ZNF648: variants seen among roughly 807,000 people sequenced by gnomAD.
The protein encoded by ZNF648 is zinc finger protein 648.
A neutral mutation model predicts 0.3 loss-of-function variants in ZNF648; 1 was observed. The ratio of observed to expected loss-of-function variants is 3.90; its 90% CI spans 1.39 to 18.51. ZNF648 has a LOEUF of 18.51. Ranked by LOEUF, ZNF648 falls within the 30% of genes most tolerant of loss-of-function variation. The pLI, the probability that ZNF648 is intolerant of heterozygous loss-of-function variation, is 0.11. For missense variants in ZNF648, 874 were observed against 769.7 expected (o/e 1.14, Z -1.60); for synonymous variants, 376 against 326.8 (o/e 1.15, Z -1.62).
chr1:182,059,556 A>G (rs947745040), intron 1 of ZNF648, among the ~76,000 whole-genome samples: 5 of 152,178 alleles, frequency 3.3e-5, no homozygotes, highest in African/African-American at 1.2e-4. Flanking sequence ...TGAGCCAGCC[A>G]CTATGCTGAG....
In ZNF648 at chr1:182,057,318, C is replaced by T. The variant is rs781292493; in HGVS notation, c.693G>A (p.Arg231=). Reference sequence around the variant, plus strand: ...GCCGGCCCGCCTGGTTCTGTACTTTCCTGCTGTTCCGCGCTTTTGCCAGGA... The same window carrying T: ...GCCGGCCCGCCTGGTTCTGTACTTTTCTGCTGTTCCGCGCTTTTGCCAGGA... ...AAVLAKARNS[R]KVQNQAGRRE... is the part of the protein sequence containing the mutation. Residue 231 remains arginine, a synonymous_variant, in exon 2 of 2, where the codon AGG becomes AGA. Coordinates refer to ENST00000339948, the MANE Select transcript of ZNF648 (RefSeq NM_001009992.1). The T allele has an allele frequency of 7.5e-6, 12 of 1,606,580 alleles. No individual in the cohort carries two copies. Among genetic ancestry groups the T allele is most frequent in the Admixed American group, 6.7e-5 (4 of 59,704 alleles).
At position 182,055,321 on chromosome 1, in the gene ZNF648, G is replaced by A. The variant is rs1358571987; in HGVS notation, c.*983C>T. The stretch of plus-strand genomic sequence containing the variant: ...ACAAGCCAATGGCACTTGGGCAAAG[G>A]GTGTTTTGTTCACTTCAAGTCAAGA... On this transcript the variant is annotated 3_prime_UTR_variant, in exon 2 of 2. Coordinates refer to ENST00000339948, the MANE Select transcript of ZNF648 (RefSeq NM_001009992.1). This position sits in a 1 kb window ranked among gnomAD's most constrained non-coding sequence, Gnocchi z 4.1. 1 of 152,158 alleles carries A rather than the reference G, an allele frequency of 6.6e-6. No homozygotes were observed. The highest frequency in any genetic ancestry group is 6.5e-5 in the Admixed American group (1 of 15,280). The allele number at this position is 152,158 out of a possible 1,614,324, so 9.4% of individuals were successfully genotyped here.
At position 182,058,038 on chromosome 1, in the gene ZNF648, C is replaced by T. The variant is rs1279361236; in HGVS notation, c.-28G>A. On this transcript the variant is annotated 5_prime_UTR_variant, in exon 2 of 2. Coordinates refer to ENST00000339948, the MANE Select transcript of ZNF648 (RefSeq NM_001009992.1). Reference sequence around the variant, plus strand: ...TGTTCAGGCGCTTCTATTGCCTACTCCTCTGAGGAGGAGTATCCTGCTTGG... The same window carrying T: ...TGTTCAGGCGCTTCTATTGCCTACTTCTCTGAGGAGGAGTATCCTGCTTGG... The T allele has an allele frequency of 3.8e-6, 6 of 1,564,362 alleles. No individual in the cohort carries two copies. Among genetic ancestry groups the T allele is most frequent in the African/African-American group, 1.4e-5 (1 of 73,094 alleles).
chr1:182,056,373 G>A lies in ZNF648; in HGVS notation c.1638C>T (p.His546=). 1 of 1,614,188 alleles carries A rather than the reference G, an allele frequency of 6.2e-7. No homozygotes were observed. Among genetic ancestry groups the A allele is most frequent in the Middle Eastern group, 1.6e-4 (1 of 6,062 alleles). ...CGTGCTTGGCTCGGTGTCGTTGGAG[G>A]TGATTGGACCTGGTGAAGGCCTGGC... ...DCGQAFTRSN[H]LQRHRAKHGT... Residue 546 remains histidine, a synonymous_variant, in exon 2 of 2, where the codon CAC becomes CAT. Transcript: ENST00000339948.
Position 182,057,250 on chromosome 1 carries a change from C to T in ZNF648, c.761G>A (p.Arg254Gln), listed in dbSNP as rs757568440. The change falls in exon 2 of 2, where the codon CGG becomes CAG. Residue 254 changes from arginine (R) to glutamine (Q), a missense_variant. Coordinates refer to ENST00000339948, the MANE Select transcript of ZNF648 (RefSeq NM_001009992.1). Reference protein sequence around the residue: ...EAEARPYRCLRGGRAFQKPSK... With the variant: ...EAEARPYRCLQGGRAFQKPSK... ...GGGCTTCTGAAAGGCCCGCCCGCCC[C>T]GCAGGCACCTGTAGGGACGCGCCTC... is the stretch of plus-strand genomic sequence containing the variant. 3 of 1,576,596 alleles carry T rather than the reference C, an allele frequency of 1.9e-6. No homozygotes were observed. The highest frequency in any genetic ancestry group is 2.7e-5 in the African/African-American group (2 of 74,440).
the ZNF648 span, among the ~76,000 whole-genome samples, chr1:182,068,909 G>A: frequency 5.4e-5 from 4 of 73,854 alleles, no homozygotes; most frequent in East Asian, 6.4e-4. Context: ...GAGTGAGACC[G>A]AGTCTCAAAG....
chr1:182,057,596 G>C lies in ZNF648; in HGVS notation c.415C>G (p.Gln139Glu). 2 of 1,614,216 alleles carry C rather than the reference G, an allele frequency of 1.2e-6. No homozygotes were observed. Among genetic ancestry groups the C allele is most frequent in the South Asian group, 2.2e-5 (2 of 91,088 alleles). ...GCAGGTAGTCGGTCCCCAAGAGGTT[G>C]CATCTGACCTAACAATTTGTGTGCG... ...GLAHKLLGQM[Q>E]PLGDRLPAGD... The change falls in exon 2 of 2, where the codon CAA becomes GAA. Residue 139 changes from glutamine (Q) to glutamate (E), a missense_variant. Transcript: ENST00000339948.
intron 1 of ZNF648, among the ~76,000 whole-genome samples, 191 bp from the exon 2 acceptor site, chr1:182,058,264 C>T (rs568608465): frequency 1.1e-4 from 16 of 152,256 alleles, no homozygotes; most frequent in Admixed American, 3.9e-4. Context: ...CTCTGGAGAT[C>T]CCACTTGCTA....
rs767413557 is a variant in ZNF648 at position 182,057,379 on chromosome 1, T to G, written c.632A>C (p.Gln211Pro). ...CAGGCTGGCTGGGGTGGCCGACGCC[T>G]GGGCTGGTGTATGTGTCTCTTGCGT... ...LPTQETHTPA[Q>P]ASATPASLAA... The change falls in exon 2 of 2, where the codon CAG becomes CCG. Residue 211 changes from glutamine to proline, a missense_variant. Physicochemically the swap from Gln to Pro is moderately conservative, Grantham distance 76 (BLOSUM62 -1). Transcript: ENST00000339948. 1 of 1,613,002 alleles carries G rather than the reference T, an allele frequency of 6.2e-7. No individual in the cohort carries two copies. The highest frequency in any genetic ancestry group is 1.3e-5 in the African/African-American group (1 of 74,940).
rs1445824749 is a variant in ZNF648, at chr1:182,057,310, T to C, written c.701A>G (p.Gln234Arg). The C allele has an allele frequency of 1.2e-6, 2 of 1,605,180 alleles. No individual in the cohort carries two copies. Among genetic ancestry groups the C allele is most frequent in the Non-Finnish European group, 1.7e-6 (2 of 1,179,096 alleles). Residue 234 changes from glutamine (Q) to arginine (R), a missense_variant, in exon 2 of 2, where the codon CAG (glutamine) becomes CGG (arginine). By Grantham distance (43) the Gln-to-Arg change is conservative. Transcript: ENST00000339948. ...LAKARNSRKV[Q>R]NQAGRREGGE... is the part of the protein sequence containing the mutation. ...GCCCTCGCGCCGGCCCGCCTGGTTCTGTACTTTCCTGCTGTTCCGCGCTTT... is the reference window on the plus strand; with the variant it reads ...GCCCTCGCGCCGGCCCGCCTGGTTCCGTACTTTCCTGCTGTTCCGCGCTTT...
At position 182,056,863 on chromosome 1, in the gene ZNF648, T is replaced by A. The variant is rs781484801; in HGVS notation, c.1148A>T (p.Gln383Leu). Residue 383 changes from glutamine (Q) to leucine (L), a missense_variant, in exon 2 of 2, where the codon CAG becomes CTG. Coordinates refer to ENST00000339948, the MANE Select transcript of ZNF648 (RefSeq NM_001009992.1). ...GGGCTTGGCGCCCAGGTGCGTGCGC[T>A]GGTGGCGCAGCAGCGACAGCGGCTT... is the stretch of plus-strand genomic sequence containing the variant. ...FNKPLSLLRHQRTHLGAKPFR... is the reference protein window; with the variant it reads ...FNKPLSLLRHLRTHLGAKPFR... The A allele has an allele frequency of 6.4e-7, 1 of 1,567,532 alleles. No individual in the cohort carries two copies. The highest frequency in any genetic ancestry group is 8.6e-7 in the Non-Finnish European group (1 of 1,156,290).
At chr1:182,059,633 G>A (rs1262518313) in intron 1 of ZNF648, among the ~76,000 whole-genome samples, 6 of 152,040 alleles carry the variant, frequency 3.9e-5, no homozygotes, top group Admixed American at 3.3e-4. Context: ...TTGGGAGGCC[G>A]AGGCAGACGG....
At chr1:182,063,308 A>G (rs1666054909), upstream of ZNF648, 1 of 152,242 alleles carries the variant, frequency 6.6e-6, no homozygotes, top group Non-Finnish European at 1.5e-5. Flanking sequence ...GAACTAATTT[A>G]CATTCCCACC....
chr1:182,056,561 C>T lies in ZNF648; in HGVS notation c.1450G>A (p.Ala484Thr), dbSNP rs1665914655. The T allele has an allele frequency of 1.9e-6, 3 of 1,614,080 alleles. No homozygotes were observed. Among genetic ancestry groups the T allele is most frequent in the Middle Eastern group, 1.6e-4 (1 of 6,062 alleles). The change falls in exon 2 of 2, where the codon GCC becomes ACC. Residue 484 changes from alanine to threonine, a missense_variant. Transcript: ENST00000339948. ...TTCAGGGTCGAAGAGCGGGCAAAGG[C>T]CTGGCCACACTGCGTGCAAGGAAAG... ...RPFPCTQCGQ[A>T]FARSSTLKRH...
In ZNF648 at chr1:182,055,524, T is replaced by C. The variant is rs1665892220; in HGVS notation, c.*780A>G. The C allele has an allele frequency of 6.6e-6, 1 of 152,238 alleles. No individual in the cohort carries two copies. Among genetic ancestry groups the C allele is most frequent in the Non-Finnish European group, 1.5e-5 (1 of 68,052 alleles). The allele number at this position is 152,238 out of a possible 1,614,324, so 9.4% of individuals were successfully genotyped here. A position where few individuals can be genotyped will look rare whatever the true frequency, so the allele number is the denominator to read the frequency against. ...GAGGCAGCCAGAGAGAAGGCATATA[T>C]GAATTTATATGAATTCTGTGGGTGA... On this transcript the variant is annotated 3_prime_UTR_variant, in exon 2 of 2. Coordinates refer to ENST00000339948, the MANE Select transcript of ZNF648 (RefSeq NM_001009992.1). This position sits in a 1 kb window ranked among gnomAD's most constrained non-coding sequence, Gnocchi z 4.1.
chr1:182,056,613 G>C lies in ZNF648; in HGVS notation c.1398C>G (p.His466Gln), dbSNP rs772578285. The C allele has an allele frequency of 6.2e-7, 1 of 1,613,164 alleles. No individual in the cohort carries two copies. Among genetic ancestry groups the C allele is most frequent in the African/African-American group, 1.3e-5 (1 of 74,944 alleles). ...AFAQPSRLVRHQRIHTGERPF... is the reference protein window; with the variant it reads ...AFAQPSRLVRQQRIHTGERPF... ...GCCTCTCGCCAGTGTGGATGCGCTG[G>C]TGGCGCACGAGGCGCGAGGGCTGCG... The change falls in exon 2 of 2, where the codon CAC becomes CAG. Residue 466 changes from histidine to glutamine, a missense_variant. Transcript: ENST00000339948.
At position 182,054,702 on chromosome 1, in the gene ZNF648, T is replaced by C. The variant is rs180889848; in HGVS notation, c.*1602A>G. On this transcript the variant is annotated 3_prime_UTR_variant, in exon 2 of 2. Coordinates refer to ENST00000339948, the MANE Select transcript of ZNF648 (RefSeq NM_001009992.1). ...GCATCCAGCCAAAGTTTCCGTCATA[T>C]AGTAGGATCACTCTAACTTTTACCT... 1.1e-4 allele frequency: 17 copies of C among 152,358 alleles called. No individual in the cohort carries two copies. The highest frequency in any genetic ancestry group is 3.8e-4 in the African/African-American group (16 of 41,584). The allele number at this position is 152,358 out of a possible 1,614,324, so 9.4% of individuals were successfully genotyped here. A position where few individuals can be genotyped will look rare whatever the true frequency, so the allele number is the denominator to read the frequency against.
chr1:182,067,028 C>A, the ZNF648 span, among the ~76,000 whole-genome samples: 1 of 152,146 alleles, frequency 6.6e-6, no homozygotes, highest in African/African-American at 2.4e-5. Context: ...ATGTCATAAA[C>A]CTGGGTCTGT....
chr1:182,060,714 C>G (rs890075058), intron 1 of ZNF648, among the ~76,000 whole-genome samples: 1 of 152,142 alleles, frequency 6.6e-6, no homozygotes, highest in South Asian at 2.1e-4. Flanking sequence ...AGGGGACATA[C>G]CACTAGCCAA....
Sources: gnomAD v4.1 joint callset for allele counts (sites outside exome capture counted in the v4.1 genomes callset) on GRCh38, gnomAD v4.1.1 for gene constraint, Gnocchi (gnomAD v3.1) non-coding constraint, MANE v1.5 for transcripts, NCBI Gene and HGNC (gene_info 2026-07-23, HGNC 2026-07-21) for gene names.